ABCC3: variants seen among roughly 807,000 people sequenced by gnomAD.
ABCC3 encodes the protein ATP binding cassette subfamily C member 3.
ABCC3 carries 121 observed loss-of-function variants against 165.3 expected under a neutral mutation model. The observed-to-expected ratio is 0.73, with a 90% CI of 0.63 to 0.85. The LOEUF (loss-of-function observed/expected upper bound fraction) is 0.85. ABCC3 is among the 40% of genes least tolerant of loss of function. The pLI, the probability that ABCC3 is intolerant of heterozygous loss-of-function variation, is 0.00. For synonymous variants in ABCC3, 733 were observed against 810.1 expected, an observed-to-expected ratio of 0.90 and a Z score of 1.62; for missense variants, 1,869 against 1,964.1, an observed-to-expected ratio of 0.95 and a Z score of 0.92.
At chr17:50,673,980 C>CTTTCCTTCCTTCTTTCTTTCTT (rs1967725765) in intron 19 of ABCC3, among the ~76,000 whole-genome samples, 1 of 9,414 alleles carries the variant, frequency 1.1e-4, no homozygotes, top group Non-Finnish European at 1.8e-4. Context: ...TTCTTTCTTT[C>CTTTCCTTCCTTCTTTCTTTCTT]TCTCTCTCTC....
In ABCC3 at chr17:50,655,938, G is replaced by A. The variant is rs780105010; in HGVS notation, c.152G>A (p.Cys51Tyr). The A allele has an allele frequency of 6.2e-7, 1 of 1,614,000 alleles. No homozygotes were observed. Among genetic ancestry groups the A allele is most frequent in the South Asian group, 1.1e-5 (1 of 91,070 alleles). The change falls in exon 2 of 31, where the codon TGC becomes TAC. Residue 51 changes from cysteine to tyrosine, a missense_variant. Cys to Tyr is a radical substitution (Grantham distance 194). Coordinates refer to ENST00000285238, the MANE Select transcript of ABCC3 (RefSeq NM_003786.4). ...PCIYLWVALPCYLLYLRHHCR... is the reference protein window; with the variant it reads ...PCIYLWVALPYYLLYLRHHCR... ...ATCTACCTGTGGGTCGCCCTGCCCT[G>A]CTACTTGCTCTACCTGCGGCACCAT... is the stretch of plus-strand genomic sequence containing the variant.
chr17:50,664,133 C>T (rs941305571), intron 10 of ABCC3, 22 bp downstream of exon 10: 1 of 1,612,564 alleles, frequency 6.2e-7, no homozygotes, highest in Non-Finnish European at 8.5e-7. Context: ...ACCCTGACCT[C>T]TGCCTCCTTC....
intron 8 of ABCC3, chr17:50,663,396 G>C (rs1404717267): frequency 2.2e-6 from 1 of 449,578 alleles, no homozygotes; most frequent in Non-Finnish European, 4.0e-6. Flanking sequence ...CATATGTCAG[G>C]AGGTAAGAAG....
At chr17:50,690,493 T>C (rs911215422) in intron 30 of ABCC3, among the ~76,000 whole-genome samples, 1 of 152,162 alleles carries the variant, frequency 6.6e-6, no homozygotes, top group Non-Finnish European at 1.5e-5. Flanking sequence ...CTTCCCCTCC[T>C]GCCGTACCCT....
chr17:50,673,438 TA>T, intron 18 of ABCC3, 30 bp from the exon 19 acceptor site: 1 of 1,606,558 alleles, frequency 6.2e-7, no homozygotes, highest in Non-Finnish European at 8.5e-7. Flanking sequence ...TGGAGGGTGG[TA>T]GGGGTGAGAG....
At chr17:50,647,537 A>C (rs553042596) in intron 1 of ABCC3, among the ~76,000 whole-genome samples, 1 of 152,302 alleles carries the variant, frequency 6.6e-6, no homozygotes, top group South Asian at 2.1e-4. Flanking sequence ...ATCTGTGAAC[A>C]ATGATGAGAG....
intron 1 of ABCC3, among the ~76,000 whole-genome samples, chr17:50,649,493 G>T (rs970650003): frequency 6.6e-6 from 1 of 151,888 alleles, no homozygotes; most frequent in African/African-American, 2.4e-5. Context: ...CTCAAGTTAC[G>T]TTGCAGTTTG....
chr17:50,671,702 C>CCT (rs1967649030), intron 17 of ABCC3, among the ~76,000 whole-genome samples: 1 of 56,372 alleles, frequency 1.8e-5, no homozygotes, highest in Non-Finnish European at 3.5e-5. Context: ...TCCTTCCTTC[C>CCT]TTTTTTTTTT....
At chr17:50,678,272 C>G (rs979150087) in intron 25 of ABCC3, 53 bp downstream of exon 25, 6 of 1,499,458 alleles carry the variant, frequency 4.0e-6, no homozygotes, top group Non-Finnish European at 4.4e-6. Flanking sequence ...AGAAACCACA[C>G]AGGTGTTCCA....
rs539244761 is a variant in ABCC3, at chr17:50,665,631, G to A, written c.1431+386G>A. 8.6e-5 allele frequency among the ~76,000 whole-genome samples: 13 copies of A among 150,454 alleles called. No individual in the cohort carries two copies. In the South Asian group the frequency reaches 1.7e-3, roughly 20 times the overall value. ...TTCTTTTTTTTTTTTTTTGAGACAG[G>A]GTCTCGTTCTGTCACCCATGCTGGA... On this transcript the variant is annotated intron_variant, in intron 11 of 30. Transcript: ENST00000285238.
rs372706165 is a variant in ABCC3, at chr17:50,678,074, C to T, written c.3579-19C>T. The T allele has an allele frequency of 7.4e-5, 119 of 1,612,372 alleles. No individual in the cohort carries two copies. The African/African-American group carries it at 1.4e-3, about 18-fold the overall frequency. Reference sequence around the variant, plus strand: ...TGCCCTGCCCCTGCCCCATTTCCTCCTCATCTGATCCCCCATAGGTGGCTG... The same window carrying T: ...TGCCCTGCCCCTGCCCCATTTCCTCTTCATCTGATCCCCCATAGGTGGCTG... On this transcript the variant is annotated intron_variant, in intron 24 of 30. Coordinates refer to ENST00000285238, the MANE Select transcript of ABCC3 (RefSeq NM_003786.4).
rs1967992001 is a variant in ABCC3 at position 50,684,729 on chromosome 17, G to A, written c.4134G>A (p.Gly1378=). The A allele has an allele frequency of 3.1e-6, 5 of 1,614,066 alleles. No homozygotes were observed. Among genetic ancestry groups the A allele is most frequent in the Non-Finnish European group, 4.2e-6 (5 of 1,180,014 alleles). The part of the protein sequence containing the change: ...IIPQDPILFS[G]TLRMNLDPFG... ...CCCAGGACCCCATCCTGTTCTCGGG[G>A]ACCCTGCGCATGAACCTGGACCCCT... The change falls in exon 29 of 31, where the codon GGG becomes GGA. Residue 1378 remains glycine, a synonymous_variant. Coordinates refer to ENST00000285238, the MANE Select transcript of ABCC3 (RefSeq NM_003786.4).
intron 10 of ABCC3, 108 bp downstream of exon 10, chr17:50,664,219 T>C (rs1235914410): frequency 2.1e-6 from 3 of 1,448,046 alleles, no homozygotes; most frequent in Non-Finnish European, 2.8e-6. Context: ...TAGTCCCAGC[T>C]GCTCAGGCGG....
chr17:50,673,214 GTT>G, intron 18 of ABCC3, 76 bp downstream of exon 18: 1 of 1,566,676 alleles, frequency 6.4e-7, no homozygotes, highest in Non-Finnish European at 8.7e-7. Flanking sequence ...AGGCTGAGGG[GTT>G]TGGATGAGAC....
chr17:50,658,562 G>A lies in ABCC3; in HGVS notation c.674+66G>A, dbSNP rs1967309493. ...GGGATGGAAGGTGAGATGGAGAAAG[G>A]GGAGCAGGGCAGCAGTTTAGGGACC... On this transcript the variant is annotated intron_variant, in intron 6 of 30. Coordinates refer to ENST00000285238, the MANE Select transcript of ABCC3 (RefSeq NM_003786.4). The A allele has an allele frequency of 1.9e-6, 3 of 1,546,380 alleles. No homozygotes were observed. The East Asian group carries it at 6.7e-5, about 35-fold the overall frequency.
rs368614599 is a variant in ABCC3, at chr17:50,649,119, A to G, written c.46-6713A>G. On this transcript the variant is annotated intron_variant, in intron 1 of 30. Coordinates refer to ENST00000285238, the MANE Select transcript of ABCC3 (RefSeq NM_003786.4). ...AGAGGGAGACTCCATCTCAAAAAAA[A>G]AAAAAAAAAGTCACCACACATTTGA... Among the ~76,000 whole-genome samples, 12 of 152,196 alleles carry G rather than the reference A, an allele frequency of 7.9e-5. No homozygotes were observed. The East Asian group carries it at 1.5e-3, about 20-fold the overall frequency.
rs1225823307 is a variant in ABCC3 at position 50,678,338 on chromosome 17, T to A, written c.3705+119T>A. 2.8e-5 allele frequency: 31 copies of A among 1,095,914 alleles called. 1 individual carries two copies. The Admixed American group carries it at 1.1e-3, about 39-fold the overall frequency. The allele number at this position is 1,095,914 out of a possible 1,614,324, so 67.9% of individuals were successfully genotyped here. A position where few individuals can be genotyped will look rare whatever the true frequency, so the allele number is the denominator to read the frequency against. ...TATGGGCACCAGCCACAGGGTCTGT[T>A]CTCAAGGACTGTGAGAAAAAAAAAA... On this transcript the variant is annotated intron_variant, in intron 25 of 30. Transcript: ENST00000285238.
At chr17:50,643,816 C>T (rs1966935040) in intron 1 of ABCC3, among the ~76,000 whole-genome samples, 2 of 150,632 alleles carry the variant, frequency 1.3e-5, no homozygotes, top group African/African-American at 4.9e-5. Context: ...GGGAAGGGAG[C>T]AATGGGAAAG....
At chr17:50,684,616 C>G in intron 28 of ABCC3, 93 bp from the exon 29 acceptor site, 2 of 1,352,680 alleles carry the variant, frequency 1.5e-6, no homozygotes, top group Non-Finnish European at 2.0e-6. Flanking sequence ...GGAATGCTGC[C>G]ACCTTAATCC....
Sources: allele counts gnomAD v4.1 joint callset (sites outside exome capture counted in the v4.1 genomes callset), GRCh38; gene constraint gnomAD v4.1.1; transcripts MANE v1.5; gene names NCBI Gene and HGNC (gene_info 2026-07-23, HGNC 2026-07-21).